ZNF69: variants seen among roughly 807,000 people sequenced by gnomAD.
ZNF69 encodes zinc finger protein 69.
A neutral mutation model predicts 50.9 loss-of-function variants in ZNF69; 47 were observed. That is an observed-to-expected ratio of 0.92 (90% CI 0.73 to 1.18). The LOEUF is 1.18. ZNF69 is among the 50% of genes most tolerant of loss of function. The pLI is 0.00. For synonymous variants in ZNF69, 216 were observed against 223.1 expected, an observed-to-expected ratio of 0.97 and a Z score of 0.29; for missense variants, 717 against 675.1, an observed-to-expected ratio of 1.06 and a Z score of -0.69.
rs1341037226 is a variant in ZNF69 at position 11,905,095 on chromosome 19, G to A, written c.698G>A (p.Ser233Asn). The A allele has an allele frequency of 6.2e-7, 1 of 1,614,116 alleles. No homozygotes were observed. Among genetic ancestry groups the A allele is most frequent in the South Asian group, 1.1e-5 (1 of 91,086 alleles). The change falls in exon 4 of 4, where the codon AGT becomes AAT. Residue 233 changes from serine (S) to asparagine (N), a missense_variant. Coordinates refer to ENST00000429654, the MANE Select transcript of ZNF69 (RefSeq NM_001364730.1). ...TGTGGGAAAGCCTTCCATTGTCTCA[G>A]TTTATATCTTATCCATGAAAGAATT... ...KFCGKAFHCL[S>N]LYLIHERIHT...
the ZNF69 span, among the ~76,000 whole-genome samples, chr19:11,952,388 A>T: frequency 2.0e-5 from 3 of 152,246 alleles, no homozygotes; most frequent in African/African-American, 7.2e-5. Flanking sequence ...ATAGGAAGCT[A>T]ATACAGTTGT....
chr19:11,916,275 A>G (rs1972521064), downstream of ZNF69, among the ~76,000 whole-genome samples: 1 of 152,178 alleles, frequency 6.6e-6, no homozygotes, highest in African/African-American at 2.4e-5. Context: ...ATATTAAATA[A>G]ATACATAAAA....
intron 4 of ZNF69, chr19:11,913,320 C>CT (rs937235375): frequency 0.024 from 10,859 of 443,800 alleles, no homozygotes; most frequent in South Asian, 0.042. Context: ...TGCCAGGCAT[C>CT]TTTTTTTTTT....
the ZNF69 span, among the ~76,000 whole-genome samples, chr19:11,969,389 G>A: frequency 6.6e-6 from 1 of 152,222 alleles, no homozygotes; most frequent in African/African-American, 2.4e-5. Flanking sequence ...ACAGGTGGGA[G>A]TCACTGCACC....
the ZNF69 span, among the ~76,000 whole-genome samples, chr19:11,976,353 A>T: frequency 2.0e-3 from 300 of 151,308 alleles, 2 homozygotes; most frequent in African/African-American, 6.7e-3. Context: ...CATTTTCCCA[A>T]CCCACTGTGG....
downstream of ZNF69, among the ~76,000 whole-genome samples, chr19:11,907,223 G>C (rs1417827264): frequency 6.6e-6 from 1 of 152,150 alleles, no homozygotes; most frequent in South Asian, 2.1e-4. Context: ...AAAGTGACAG[G>C]GATGGAACCA....
At chr19:11,889,708 A>G (rs1469883231) in intron 1 of ZNF69, among the ~76,000 whole-genome samples, 2 of 152,228 alleles carry the variant, frequency 1.3e-5, no homozygotes, top group Non-Finnish European at 2.9e-5. Context: ...GAGACGAAGT[A>G]TAGGGAAAGA....
chr19:11,954,119 T>G, the ZNF69 span, among the ~76,000 whole-genome samples: 1 of 152,104 alleles, frequency 6.6e-6, no homozygotes, highest in Non-Finnish European at 1.5e-5. Flanking sequence ...ACAAATTTAT[T>G]TAACATGTAT....
chr19:11,948,450 TA>T, the ZNF69 span: 1 of 1,614,002 alleles, frequency 6.2e-7, no homozygotes, highest in Non-Finnish European at 8.5e-7. Context: ...CATCTTTTAA[TA>T]TGAGCATCAG....
At chr19:11,944,608 T>C in the ZNF69 span, among the ~76,000 whole-genome samples, 1 of 152,242 alleles carries the variant, frequency 6.6e-6, no homozygotes, top group African/African-American at 2.4e-5. Flanking sequence ...CAGTTCGCGT[T>C]GGATAAGCTT....
chr19:11,979,257 C>T, the ZNF69 span: 3 of 1,613,080 alleles, frequency 1.9e-6, no homozygotes, highest in African/African-American at 2.7e-5. Flanking sequence ...AAAGGACTCA[C>T]ACTGGAGAGA....
At chr19:11,914,924 C>T (rs1417405346), downstream of ZNF69, among the ~76,000 whole-genome samples, 2 of 152,282 alleles carry the variant, frequency 1.3e-5, no homozygotes, top group African/African-American at 2.4e-5. Context: ...TGAAACCTGG[C>T]CAGGCACAGT....
the ZNF69 span, among the ~76,000 whole-genome samples, chr19:11,956,165 T>A: frequency 1.2e-3 from 178 of 152,192 alleles, no homozygotes; most frequent in Non-Finnish European, 2.2e-3. Flanking sequence ...CTTGCCAAAT[T>A]GCAGCTTACC....
the ZNF69 span, among the ~76,000 whole-genome samples, chr19:11,945,380 T>C: frequency 6.6e-6 from 1 of 152,222 alleles, no homozygotes; most frequent in East Asian, 1.9e-4. Flanking sequence ...CTGAGCTTGA[T>C]TGACCAAGCA....
chr19:11,974,159 C>CTTTCTTTCT, the ZNF69 span, among the ~76,000 whole-genome samples: 1 of 75,860 alleles, frequency 1.3e-5, no homozygotes, highest in African/African-American at 6.4e-5. Flanking sequence ...TCTTTCTTTC[C>CTTTCTTTCT]TTCCTTCCTT....
the ZNF69 span, among the ~76,000 whole-genome samples, chr19:11,922,285 A>G: frequency 6.6e-6 from 1 of 152,218 alleles, no homozygotes; most frequent in South Asian, 2.1e-4. Flanking sequence ...ATGTTATGCT[A>G]TAGATTACAT....
the ZNF69 span, chr19:11,949,660 AGATGTTGCAATTCCCTTC>A: frequency 6.2e-7 from 1 of 1,613,610 alleles, no homozygotes; most frequent in Non-Finnish European, 8.5e-7. Context: ...TAAAGCCTTC[AGATGTTGCAATTCCCTTC>A]GATATCATGA....
the ZNF69 span, among the ~76,000 whole-genome samples, chr19:11,959,602 C>T: frequency 6.6e-6 from 1 of 152,148 alleles, no homozygotes; most frequent in Non-Finnish European, 1.5e-5. Flanking sequence ...AGACATGCTG[C>T]TCTGTGAAGT....
At chr19:11,892,083 C>T (rs1322240710) in intron 1 of ZNF69, among the ~76,000 whole-genome samples, 1 of 151,636 alleles carries the variant, frequency 6.6e-6, no homozygotes, top group African/African-American at 2.4e-5. Context: ...GCTCAAGCAC[C>T]TCAGCCTCCC....
Sources: allele counts gnomAD v4.1 joint callset (sites outside exome capture counted in the v4.1 genomes callset), GRCh38; gene constraint gnomAD v4.1.1; transcripts MANE v1.5; gene names NCBI Gene and HGNC (gene_info 2026-07-23, HGNC 2026-07-21).